S100Z: variants seen among roughly 807,000 people sequenced by gnomAD.
The protein encoded by S100Z is protein S100-Z.
In S100Z, 11 loss-of-function variants were observed where a neutral mutation model predicts 8.5. That is an observed-to-expected ratio of 1.30 (90% confidence interval 0.82 to 2.15). The LOEUF is 2.15. Among genes scored for constraint, S100Z ranks in the 30% most tolerant of loss-of-function variants. The pLI, the probability that S100Z is intolerant of heterozygous loss-of-function variation, is 0.00. For synonymous variants in S100Z, 34 were observed against 43.8 expected, an observed-to-expected ratio of 0.78 and a Z score of 0.89; for missense variants, 126 against 117.9, an observed-to-expected ratio of 1.07 and a Z score of -0.32.
chr5:76,862,160 C>T lies in S100Z; in HGVS notation c.-175-8006C>T, dbSNP rs942907894. Among the ~76,000 whole-genome samples the T allele has an allele frequency of 9.4e-4, 113 of 120,144 alleles. 1 individual carries two copies. The highest frequency in any genetic ancestry group is 3.5e-3 in the African/African-American group (107 of 30,476). 78.8% of individuals were successfully genotyped at this position (120,144 alleles called of 152,430 possible). A position where few individuals can be genotyped will look rare whatever the true frequency, so the allele number is the denominator to read the frequency against. On this transcript the variant is annotated intron_variant, in intron 1 of 4. Coordinates refer to ENST00000317593, the MANE Select transcript of S100Z (RefSeq NM_130772.4). ...GTGTGTGTGTGTGTGTGTGTGTAAA[C>T]TTTATTAGGTAGAATTTCAAATATA...
At chr5:76,915,449 A>G (rs970935747) in intron 4 of S100Z, among the ~76,000 whole-genome samples, 2 of 151,676 alleles carry the variant, frequency 1.3e-5, no homozygotes, top group Non-Finnish European at 2.9e-5. Context: ...TAAAAAAAAT[A>G]CAAAAAAAAT....
intron 4 of S100Z, among the ~76,000 whole-genome samples, chr5:76,912,516 T>G (rs2150681529): frequency 6.6e-6 from 1 of 152,300 alleles, no homozygotes; most frequent in Non-Finnish European, 1.5e-5. Flanking sequence ...AGGGCCCAGT[T>G]AGCAGAACTA....
chr5:76,930,470 T>G, the S100Z span, among the ~76,000 whole-genome samples: 1 of 152,116 alleles, frequency 6.6e-6, no homozygotes, highest in Admixed American at 6.5e-5. Context: ...TTATTTAATT[T>G]CCATGGTAAG....
chr5:76,870,015 T>G (rs1370601722), intron 1 of S100Z, among the ~76,000 whole-genome samples, 151 bp from the exon 2 acceptor site: 1 of 146,922 alleles, frequency 6.8e-6, no homozygotes, highest in African/African-American at 2.5e-5. Flanking sequence ...AGACTAAGAC[T>G]CCGTCTCAAA....
chr5:76,858,579 C>T (rs1750954478), intron 1 of S100Z, among the ~76,000 whole-genome samples: 1 of 151,914 alleles, frequency 6.6e-6, no homozygotes, highest in Non-Finnish European at 1.5e-5. Context: ...TCCAGCGTGC[C>T]CATCATCCAT....
chr5:76,941,797 C>A, the S100Z span, among the ~76,000 whole-genome samples: 4 of 148,130 alleles, frequency 2.7e-5, no homozygotes, highest in South Asian at 2.1e-4. Context: ...GAGTTATGCT[C>A]CCCCCCCTTG....
intron 1 of S100Z, among the ~76,000 whole-genome samples, chr5:76,850,383 C>G (rs554743534): frequency 7.3e-5 from 11 of 151,140 alleles, no homozygotes; most frequent in African/African-American, 1.7e-4. Context: ...GATCATAGCT[C>G]GGAGCGTAGA....
chr5:76,898,774 T>A (rs1744127015), intron 4 of S100Z, among the ~76,000 whole-genome samples: 1 of 152,120 alleles, frequency 6.6e-6, no homozygotes, highest in Non-Finnish European at 1.5e-5. Flanking sequence ...TTTTGATGTG[T>A]CTTTGGTTTT....
chr5:76,944,413 G>C, the S100Z span, among the ~76,000 whole-genome samples: 1 of 152,162 alleles, frequency 6.6e-6, no homozygotes, highest in African/African-American at 2.4e-5. Context: ...TGCATTTAGG[G>C]TGGAAAACAG....
chr5:76,942,984 T>C, the S100Z span, among the ~76,000 whole-genome samples: 1 of 152,244 alleles, frequency 6.6e-6, no homozygotes, highest in African/African-American at 2.4e-5. Flanking sequence ...ATGGGTTAGA[T>C]ATTGTGAAGT....
At chr5:76,903,645 A>G (rs1744312897) in intron 4 of S100Z, among the ~76,000 whole-genome samples, 1 of 151,944 alleles carries the variant, frequency 6.6e-6, no homozygotes, top group African/African-American at 2.4e-5. Context: ...ATCTCATTGT[A>G]ATTTTAATCT....
the S100Z span, among the ~76,000 whole-genome samples, chr5:76,941,842 T>C: frequency 6.6e-6 from 1 of 152,248 alleles, no homozygotes; most frequent in South Asian, 2.1e-4. Flanking sequence ...TTTGGGATTC[T>C]TCTGGGCAGG....
At chr5:76,873,646 G>A (rs1251364278) in intron 2 of S100Z, among the ~76,000 whole-genome samples, 1 of 152,108 alleles carries the variant, frequency 6.6e-6, no homozygotes, top group African/African-American at 2.4e-5. Flanking sequence ...ACACCTCCTG[G>A]GAACCTTGCA....
the S100Z span, among the ~76,000 whole-genome samples, chr5:76,941,353 G>A: frequency 6.6e-6 from 1 of 152,080 alleles, no homozygotes; most frequent in East Asian, 1.9e-4. Flanking sequence ...CATGGGGTGA[G>A]TTTTTCCCAT....
intron 2 of S100Z, among the ~76,000 whole-genome samples, chr5:76,871,520 C>CTTTT (rs565094996): frequency 1.6e-5 from 2 of 125,102 alleles, no homozygotes; most frequent in East Asian, 2.4e-4. Context: ...ATCAGAAACT[C>CTTTT]TTTTTTTTTT....
At chr5:76,923,650 ATGGGAGAGGT>A (rs1351995996), downstream of S100Z, among the ~76,000 whole-genome samples, 2 of 152,120 alleles carry the variant, frequency 1.3e-5, no homozygotes, top group African/African-American at 4.8e-5. Flanking sequence ...TTGCTTTGAG[ATGGGAGAGGT>A]TTCCTCATTC....
At chr5:76,870,426 T>A (rs1189085105) in intron 2 of S100Z, 142 bp downstream of exon 2, 4 of 152,150 alleles carry the variant, frequency 2.6e-5, no homozygotes, top group African/African-American at 9.7e-5. Flanking sequence ...CTTCTGCAAG[T>A]TTGATGTGAC....
chr5:76,869,301 C>T (rs1000662545), intron 1 of S100Z, among the ~76,000 whole-genome samples: 1 of 151,800 alleles, frequency 6.6e-6, no homozygotes, highest in Non-Finnish European at 1.5e-5. Context: ...GAAAAACAAA[C>T]ATAAGGTAGG....
chr5:76,882,113 G>A (rs539163171), intron 4 of S100Z, among the ~76,000 whole-genome samples: 18 of 152,298 alleles, frequency 1.2e-4, no homozygotes, highest in African/African-American at 4.1e-4. Context: ...CTTGCTGAGA[G>A]GTAGTGGAGG....
Sources: gnomAD v4.1 joint callset for allele counts (sites outside exome capture counted in the v4.1 genomes callset) on GRCh38, gnomAD v4.1.1 for gene constraint, MANE v1.5 for transcripts, NCBI Gene and HGNC (gene_info 2026-07-23, HGNC 2026-07-21) for gene names.